Variants in INO80 observed in about 807,000 individuals in gnomAD.
The protein encoded by INO80 is INO80 complex ATPase subunit, also known as chromatin-remodeling ATPase INO80.
Under a neutral mutation model 203.4 loss-of-function variants are expected in INO80, and 20 were observed. The observed-to-expected ratio is 0.10, with a 90% CI of 0.07 to 0.14. The LOEUF is 0.14. Among genes scored for constraint, INO80 ranks in the 10% least tolerant of loss-of-function variants. The pLI is 1.00. For synonymous variants in INO80, 726 were observed against 685.2 expected, an observed-to-expected ratio of 1.06 and a Z score of -0.93; for missense variants, 1,419 against 1,914.4, an observed-to-expected ratio of 0.74 and a Z score of 4.83.
chr15:40,984,838 A>G (rs1210822503), intron 32 of INO80, among the ~76,000 whole-genome samples: 2 of 152,172 alleles, frequency 1.3e-5, no homozygotes, highest in Non-Finnish European at 2.9e-5. Flanking sequence ...TTTTCTACAT[A>G]TCTGTTTTTA....
chr15:40,984,159 C>A (rs752151002), intron 33 of INO80, 38 bp downstream of exon 33: 3 of 1,606,214 alleles, frequency 1.9e-6, no homozygotes, highest in Non-Finnish European at 2.6e-6. Flanking sequence ...CAGGACACTC[C>A]TTACGGCTGT....
intron 7 of INO80, 92 bp downstream of exon 7, chr15:41,085,277 C>G: frequency 9.3e-7 from 1 of 1,070,390 alleles, no homozygotes; most frequent in Non-Finnish European, 1.4e-6. Context: ...GAATTCCTAT[C>G]TGTGAAAGTA....
chr15:41,060,541 C>T (rs1226671763), intron 14 of INO80, among the ~76,000 whole-genome samples: 2 of 147,932 alleles, frequency 1.4e-5, no homozygotes, highest in Non-Finnish European at 3.0e-5. Context: ...GGGACAAGAG[C>T]AAGACTTTGT....
intron 14 of INO80, among the ~76,000 whole-genome samples, chr15:41,062,846 T>C (rs2140566223): frequency 6.6e-6 from 1 of 152,264 alleles, no homozygotes; most frequent in East Asian, 1.9e-4. Context: ...AACAAATAAA[T>C]CTCTTTTCTT....
chr15:41,067,566 T>C (rs1453856937), intron 14 of INO80, among the ~76,000 whole-genome samples: 2 of 152,172 alleles, frequency 1.3e-5, no homozygotes, highest in African/African-American at 2.4e-5. Context: ...TTAAAAGCTA[T>C]ATATCCTAAC....
At position 40,984,307 on chromosome 15, in the gene INO80, C is replaced by T. The variant is rs903187266; in HGVS notation, c.3967G>A (p.Val1323Met). Residue 1323 changes from valine to methionine, a missense_variant, in exon 33 of 36, where the codon GTG (valine) becomes ATG (methionine). Coordinates refer to ENST00000648947, the MANE Select transcript of INO80 (RefSeq NM_017553.3). ...ELDGKRRKEG[V>M]NLVIPFVPSA... is the part of the protein sequence containing the mutation. ...GGAACAAATGGGATCACCAGGTTCA[C>T]ACCCTCTTTTCTCCTTTTCCCATCC... 17 of 1,614,082 alleles carry T rather than the reference C, an allele frequency of 1.1e-5. No homozygotes were observed. The Admixed American group carries it at 1.2e-4, about 11-fold the overall frequency.
In INO80 at chr15:41,000,311, G is replaced by A. The variant is rs183732603; in HGVS notation, c.3498-2710C>T. 4.5e-4 allele frequency among the ~76,000 whole-genome samples: 69 copies of A among 152,218 alleles called. 2 individuals are homozygous for A. Among genetic ancestry groups the A allele is most frequent in the African/African-American group, 1.4e-3 (57 of 41,522 alleles). ...ATATGAGCATGGGGTAGGCGTCAGG[G>A]AATGGGTACAGGGTGGGAGTATGGG... On this transcript the variant is annotated intron_variant, in intron 28 of 35. Coordinates refer to ENST00000648947, the MANE Select transcript of INO80 (RefSeq NM_017553.3).
At chr15:41,001,946 G>A (rs940548396) in intron 28 of INO80, among the ~76,000 whole-genome samples, 1 of 152,098 alleles carries the variant, frequency 6.6e-6, no homozygotes, top group Non-Finnish European at 1.5e-5. Context: ...TATATCAGGC[G>A]ATTGCAGTCA....
At position 41,065,988 on chromosome 15, in the gene INO80, C is replaced by CT. The variant is rs1175524125; in HGVS notation, c.1782+3581dup. ...ATGCACCTAATGCTACTACATTGTA[C>CT]TTTTTTTTTTTTTTTTTTTTTGAGA... On this transcript the variant is annotated intron_variant, in intron 14 of 35. Transcript: ENST00000648947. Among the ~76,000 whole-genome samples, 1,244 of 127,256 alleles carry CT rather than the reference C, an allele frequency of 9.8e-3. 18 individuals are homozygous for CT. The highest frequency in any genetic ancestry group is 0.033 in the East Asian group (145 of 4,440). The allele number at this position is 127,256 out of a possible 152,430, so 83.5% of individuals were successfully genotyped here.
chr15:41,109,183 G>C (rs1489854448), intron 1 of INO80: 2 of 152,486 alleles, frequency 1.3e-5, no homozygotes, highest in African/African-American at 4.8e-5. Context: ...GCTAGGCACA[G>C]TGGCTCATGC....
chr15:41,045,155 C>T (rs1220246945), intron 23 of INO80, 80 bp from the exon 24 acceptor site: 4 of 1,035,888 alleles, frequency 3.9e-6, no homozygotes, highest in Non-Finnish European at 5.5e-6. Context: ...AGGATTGTCT[C>T]TCATTAACAT....
At chr15:41,070,021 G>A (rs912386806) in intron 13 of INO80, among the ~76,000 whole-genome samples, 3 of 151,856 alleles carry the variant, frequency 2.0e-5, no homozygotes, top group African/African-American at 7.3e-5. Flanking sequence ...TCAGTTTTAC[G>A]CATTTTTAAA....
chr15:40,991,447 C>T (rs760375898), intron 29 of INO80, among the ~76,000 whole-genome samples: 3 of 152,032 alleles, frequency 2.0e-5, no homozygotes, highest in Non-Finnish European at 4.4e-5. Context: ...GGAGACAATG[C>T]ACCACTGTGG....
intron 28 of INO80, among the ~76,000 whole-genome samples, chr15:41,002,746 A>G (rs575979558): frequency 4.0e-4 from 61 of 152,382 alleles, no homozygotes; most frequent in Non-Finnish European, 8.1e-4. Context: ...TTTCTAGTAG[A>G]TATTTCTATT....
intron 27 of INO80, among the ~76,000 whole-genome samples, chr15:41,013,848 T>A (rs1402098671): frequency 6.6e-6 from 1 of 152,190 alleles, no homozygotes; most frequent in Non-Finnish European, 1.5e-5. Flanking sequence ...AGTTGTGAAA[T>A]TCAGGCTTTG....
Position 41,089,832 on chromosome 15 carries a change from T to C in INO80, c.538-2150A>G, listed in dbSNP as rs76287961. On this transcript the variant is annotated intron_variant, in intron 5 of 35. Coordinates refer to ENST00000648947, the MANE Select transcript of INO80 (RefSeq NM_017553.3). Reference sequence around the variant, plus strand: ...CTCAAAACTATCATCATTTTAATGTTAGTGTATGAAGAGCTTTCTAAGAGA... The same window carrying C: ...CTCAAAACTATCATCATTTTAATGTCAGTGTATGAAGAGCTTTCTAAGAGA... 2.0e-3 allele frequency among the ~76,000 whole-genome samples: 298 copies of C among 151,866 alleles called. 1 individual carries two copies. Among genetic ancestry groups the C allele is most frequent in the African/African-American group, 6.6e-3 (274 of 41,430 alleles).
intron 35 of INO80, among the ~76,000 whole-genome samples, chr15:40,981,286 T>A (rs1457317065): frequency 6.6e-6 from 1 of 152,124 alleles, no homozygotes; most frequent in African/African-American, 2.4e-5. Flanking sequence ...TCTATCTCCC[T>A]CACCCTTTCT....
intron 23 of INO80, among the ~76,000 whole-genome samples, chr15:41,046,939 T>A: frequency 6.8e-6 from 1 of 146,144 alleles, no homozygotes; most frequent in Non-Finnish European, 1.5e-5. Flanking sequence ...ACTGTACTAT[T>A]TTTTTTTTTT....
intron 28 of INO80, among the ~76,000 whole-genome samples, chr15:41,002,664 T>C (rs1056690537): frequency 6.6e-6 from 1 of 152,222 alleles, no homozygotes; most frequent in African/African-American, 2.4e-5. Context: ...TAATTTCCCA[T>C]GTTTGAATCT....
Sources: allele counts gnomAD v4.1 joint callset (sites outside exome capture counted in the v4.1 genomes callset), GRCh38; gene constraint gnomAD v4.1.1; transcripts MANE v1.5; gene names NCBI Gene and HGNC (gene_info 2026-07-23, HGNC 2026-07-21).